Variants in ASTN1 observed in about 807,000 individuals in gnomAD.
ASTN1 encodes astrotactin-1.
ASTN1 carries 41 observed loss-of-function variants against 140.7 expected under a neutral mutation model. The observed-to-expected ratio is 0.29, with a 90% confidence interval of 0.23 to 0.38. The LOEUF (loss-of-function observed/expected upper bound fraction) is 0.38, where lower values mean the gene tolerates loss of function less well. Ranked by LOEUF, ASTN1 falls within the 10% of genes least tolerant of loss-of-function variation. The pLI, the probability that ASTN1 is intolerant of heterozygous loss-of-function variation, is 1.00. For missense variants in ASTN1, 1,479 were observed against 1,678.8 expected, an observed-to-expected ratio of 0.88 and a Z score of 2.08; for synonymous variants, 640 against 652.2, an observed-to-expected ratio of 0.98 and a Z score of 0.29.
chr1:176,879,142 G>C (rs1417548457), intron 20 of ASTN1, among the ~76,000 whole-genome samples: 1 of 152,168 alleles, frequency 6.6e-6, no homozygotes, highest in Non-Finnish European at 1.5e-5. Flanking sequence ...CCGGTCCTCT[G>C]GTCCTCGCAG....
At chr1:176,936,402 G>A in intron 14 of ASTN1, 32 bp from the exon 15 acceptor site, 1 of 1,550,722 alleles carries the variant, frequency 6.4e-7, no homozygotes, top group Non-Finnish European at 8.9e-7. Flanking sequence ...GCTGAGTTCT[G>A]ATACTGATTC....
intron 1 of ASTN1, among the ~76,000 whole-genome samples, chr1:177,129,809 A>G (rs879810253): frequency 6.6e-6 from 1 of 152,130 alleles, no homozygotes; most frequent in Non-Finnish European, 1.5e-5. Context: ...TCTGCTTAAA[A>G]TACAAAAACT....
chr1:177,011,654 C>T (rs1675296485), intron 8 of ASTN1, among the ~76,000 whole-genome samples: 1 of 151,490 alleles, frequency 6.6e-6, no homozygotes, highest in African/African-American at 2.4e-5. Context: ...CTCACACACA[C>T]ACACACACCA....
intron 1 of ASTN1, among the ~76,000 whole-genome samples, chr1:177,073,102 G>A (rs1472542854): frequency 6.6e-6 from 1 of 152,150 alleles, no homozygotes; most frequent in Non-Finnish European, 1.5e-5. Flanking sequence ...CACAAAGACA[G>A]AAATTAGGGA....
chr1:176,886,835 T>C (rs1669049911), intron 18 of ASTN1, among the ~76,000 whole-genome samples: 1 of 152,216 alleles, frequency 6.6e-6, no homozygotes. Context: ...TACTTCAGGA[T>C]TTCTTTGCCT....
intron 17 of ASTN1, among the ~76,000 whole-genome samples, chr1:176,892,668 G>A (rs1489739164): frequency 6.6e-6 from 1 of 152,178 alleles, no homozygotes; most frequent in African/African-American, 2.4e-5. Flanking sequence ...TATTTAGTCC[G>A]ACAGGAGGAC....
At chr1:176,892,946 G>T (rs1255099150) in intron 17 of ASTN1, among the ~76,000 whole-genome samples, 2 of 152,174 alleles carry the variant, frequency 1.3e-5, no homozygotes, top group African/African-American at 4.8e-5. Flanking sequence ...AGAAATTAAA[G>T]AGTTCAAAAG....
rs190837436 is a variant in ASTN1 at position 176,908,597 on chromosome 1, T to A, written c.2672-13767A>T. Among the ~76,000 whole-genome samples the A allele has an allele frequency of 2.2e-4, 33 of 152,312 alleles. No homozygotes were observed. The East Asian group carries it at 6.0e-3, about 28-fold the overall frequency. On this transcript the variant is annotated intron_variant, in intron 16 of 22. Coordinates refer to ENST00000361833, the MANE Select transcript of ASTN1 (RefSeq NM_004319.3). Reference sequence around the variant, plus strand: ...TCACATTCAAAGCTCTGAGACATCATAAGATGCTTAATCTCTTTGGCCTTC... The same window carrying A: ...TCACATTCAAAGCTCTGAGACATCAAAAGATGCTTAATCTCTTTGGCCTTC...
intron 8 of ASTN1, among the ~76,000 whole-genome samples, chr1:176,979,258 C>A (rs1174859694): frequency 6.6e-6 from 1 of 152,174 alleles, no homozygotes; most frequent in African/African-American, 2.4e-5. Flanking sequence ...CATTGCCTCT[C>A]TCTCCCTGTT....
In ASTN1 at chr1:177,044,954, A is replaced by G. The variant is rs1322081993; in HGVS notation, c.472-12105T>C. The stretch of plus-strand genomic sequence containing the variant: ...GAGAGGGACAGAAAGAGAGAAAAAC[A>G]GGGGAGGGAGAGGAAAAGGGAGAAA... On this transcript the variant is annotated intron_variant, in intron 2 of 22. Transcript: ENST00000361833. Among the ~76,000 whole-genome samples the G allele has an allele frequency of 3.3e-5, 5 of 152,292 alleles. No homozygotes were observed. In the East Asian group the frequency reaches 9.7e-4, roughly 29 times the overall value.
In ASTN1 at chr1:176,901,684, C is replaced by T. The variant is rs142909088; in HGVS notation, c.2672-6854G>A. ...CTGCGTCTTCTGCAGTTTTGCTATG[C>T]TGCCCAGTCTCAGTCTGCACACAAG... On this transcript the variant is annotated intron_variant, in intron 16 of 22. Transcript: ENST00000361833. 1.2e-4 allele frequency among the ~76,000 whole-genome samples: 19 copies of T among 152,344 alleles called. No individual in the cohort carries two copies. In the East Asian group the frequency reaches 3.7e-3, roughly 29 times the overall value.
chr1:176,936,592 A>G (rs557807449), intron 14 of ASTN1, among the ~76,000 whole-genome samples: 1 of 152,346 alleles, frequency 6.6e-6, no homozygotes, highest in Admixed American at 6.5e-5. Context: ...TACATATATT[A>G]AGCCATTTGA....
At chr1:177,045,321 G>A (rs911324677) in intron 2 of ASTN1, among the ~76,000 whole-genome samples, 2 of 152,158 alleles carry the variant, frequency 1.3e-5, no homozygotes, top group Admixed American at 6.5e-5. Flanking sequence ...TGTCTAGCAC[G>A]GGGCTGACAC....
At chr1:177,057,839 T>C (rs1025525299) in intron 2 of ASTN1, among the ~76,000 whole-genome samples, 1 of 152,198 alleles carries the variant, frequency 6.6e-6, no homozygotes, top group Non-Finnish European at 1.5e-5. Context: ...TGCTATCTTC[T>C]GGCTTTTGTA....
At chr1:176,934,766 G>T (rs756549010) in intron 15 of ASTN1, among the ~76,000 whole-genome samples, 1 of 151,978 alleles carries the variant, frequency 6.6e-6, no homozygotes, top group African/African-American at 2.4e-5. Flanking sequence ...GATAAGTATC[G>T]CTTCATGAAA....
chr1:176,972,782 A>T (rs1214543037), intron 8 of ASTN1, among the ~76,000 whole-genome samples: 1 of 152,262 alleles, frequency 6.6e-6, no homozygotes, highest in Non-Finnish European at 1.5e-5. Context: ...TTTTTTATAC[A>T]GAAAAATAAC....
chr1:176,922,206 T>C (rs551866055), intron 16 of ASTN1, among the ~76,000 whole-genome samples: 21 of 152,096 alleles, frequency 1.4e-4, no homozygotes, highest in Non-Finnish European at 5.9e-5. Flanking sequence ...TCAGCCCCCA[T>C]TTGCACTTCT....
chr1:176,957,165 A>G (rs1301241108), intron 11 of ASTN1, among the ~76,000 whole-genome samples: 1 of 152,116 alleles, frequency 6.6e-6, no homozygotes, highest in Admixed American at 6.5e-5. Context: ...CGGCCTCCCA[A>G]AGCACTGGGA....
At chr1:176,973,245 T>C (rs952057017) in intron 8 of ASTN1, among the ~76,000 whole-genome samples, 3 of 152,216 alleles carry the variant, frequency 2.0e-5, no homozygotes, top group Non-Finnish European at 4.4e-5. Flanking sequence ...AACAACTTTC[T>C]ACCTCCTGGA....
Sources: allele counts gnomAD v4.1 joint callset (sites outside exome capture counted in the v4.1 genomes callset), GRCh38; gene constraint gnomAD v4.1.1; transcripts MANE v1.5; gene names NCBI Gene and HGNC (gene_info 2026-07-23, HGNC 2026-07-21).